NCAPD2: variants seen among roughly 807,000 people sequenced by gnomAD.
NCAPD2 encodes the protein non-SMC condensin I complex subunit D2, also known as condensin complex subunit 1.
Under a neutral mutation model 164.5 loss-of-function variants are expected in NCAPD2, and 100 were observed. The observed-to-expected ratio is 0.61, with a 90% CI of 0.52 to 0.72. NCAPD2 has a LOEUF of 0.72. Ranked by LOEUF, NCAPD2 falls within the 30% of genes least tolerant of loss-of-function variation. NCAPD2 has a pLI of 0.00. For missense variants in NCAPD2, 1,560 were observed against 1,749.2 expected (o/e 0.89, Z 1.93); for synonymous variants, 585 against 642.6 (o/e 0.91, Z 1.36).
chr12:6,517,153 A>G (rs1450182810), intron 10 of NCAPD2, 128 bp downstream of exon 10: 1 of 1,293,656 alleles, frequency 7.7e-7, no homozygotes, highest in Non-Finnish European at 1.1e-6. Context: ...TATCAGTAGT[A>G]AAAGTCTTCC....
rs1449149506 is a variant in NCAPD2, at chr12:6,520,969, G to C, written c.1590-17G>C. The C allele has an allele frequency of 6.2e-7, 1 of 1,613,598 alleles. No homozygotes were observed. Among genetic ancestry groups the C allele is most frequent in the Admixed American group, 1.7e-5 (1 of 60,012 alleles). On this transcript the variant is annotated splice_polypyrimidine_tract_variant and intron_variant, in intron 13 of 31. Coordinates refer to ENST00000315579, the MANE Select transcript of NCAPD2 (RefSeq NM_014865.4). ...AGTGACATTCTTCTGGGTACTGACA[G>C]GCTGGTGTTCTTTCAGAAAGGCCAT...
At chr12:6,524,515 G>C (rs1168957929) in intron 17 of NCAPD2, among the ~76,000 whole-genome samples, 6 of 151,936 alleles carry the variant, frequency 3.9e-5, no homozygotes, top group Admixed American at 3.9e-4. Context: ...CAGGTGTGGT[G>C]GTGGGCACCT....
intron 2 of NCAPD2, among the ~76,000 whole-genome samples, chr12:6,508,532 T>G (rs1946117424): frequency 6.6e-6 from 1 of 152,198 alleles, no homozygotes; most frequent in African/African-American, 2.4e-5. Context: ...AAGGGACAGC[T>G]AATCGTTACA....
At chr12:6,504,229 A>ATG (rs1402039366) in intron 2 of NCAPD2, among the ~76,000 whole-genome samples, 1 of 88,464 alleles carries the variant, frequency 1.1e-5, no homozygotes, top group Non-Finnish European at 2.4e-5. Flanking sequence ...ATATAGATAT[A>ATG]TATATATATA....
At chr12:6,513,735 T>C (rs12308613) in intron 6 of NCAPD2, among the ~76,000 whole-genome samples, 67,395 of 91,552 alleles carry the variant, frequency 0.74, 26,052 homozygotes, top group African/African-American at 0.89. Flanking sequence ...TTTTTTTTTG[T>C]GATGGAGTCT....
chr12:6,515,068 CAA>C, intron 9 of NCAPD2, 148 bp downstream of exon 9: 1 of 850,358 alleles, frequency 1.2e-6, no homozygotes, highest in East Asian at 2.6e-5. Context: ...AGAAGCAGGT[CAA>C]GTTTGTTGAA....
intron 6 of NCAPD2, among the ~76,000 whole-genome samples, chr12:6,513,236 G>A (rs961508497): frequency 6.6e-6 from 1 of 152,106 alleles, no homozygotes; most frequent in Admixed American, 6.6e-5. Context: ...GTACCCTAGG[G>A]CACTCCAGCA....
At position 6,523,299 on chromosome 12, in the gene NCAPD2, C is replaced by T. The variant is rs368048876; in HGVS notation, c.2167C>T (p.Leu723=). 58 of 1,613,976 alleles carry T rather than the reference C, an allele frequency of 3.6e-5. No individual in the cohort carries two copies. The highest frequency in any genetic ancestry group is 3.3e-4 in the Middle Eastern group (2 of 6,084). The change falls in exon 17 of 32, where the codon CTG becomes TTG. Residue 723 remains leucine, a synonymous_variant. Coordinates refer to ENST00000315579, the MANE Select transcript of NCAPD2 (RefSeq NM_014865.4). ...AQALIQNLSL[L]LVDASVGTIQ... ...GGCTTTGATTCAGAATCTCTCTCTG[C>T]TGCTAGTGGATGCCTCGGTTGGGAC...
intron 6 of NCAPD2, among the ~76,000 whole-genome samples, chr12:6,512,401 G>C (rs1004650193): frequency 6.6e-6 from 1 of 152,186 alleles, no homozygotes; most frequent in Non-Finnish European, 1.5e-5. Context: ...GTGACTGAGA[G>C]CTATGAGAAT....
intron 29 of NCAPD2, among the ~76,000 whole-genome samples, chr12:6,530,409 G>T (rs1946360188): frequency 6.6e-6 from 1 of 152,144 alleles, no homozygotes; most frequent in Non-Finnish European, 1.5e-5. Context: ...GTAATGACAT[G>T]TACCCACCAT....
At chr12:6,510,965 A>G (rs1946140982) in intron 5 of NCAPD2, 145 bp from the exon 6 acceptor site, 2 of 1,276,134 alleles carry the variant, frequency 1.6e-6, no homozygotes, top group Admixed American at 2.3e-5. Context: ...CTTCCTGGAC[A>G]AGTAGCGCTG....
chr12:6,512,590 G>GT (rs1161155460), intron 6 of NCAPD2, among the ~76,000 whole-genome samples: 1 of 152,224 alleles, frequency 6.6e-6, no homozygotes, highest in Non-Finnish European at 1.5e-5. Flanking sequence ...GCAGGTTCTT[G>GT]TGGGCCATCA....
intron 2 of NCAPD2, among the ~76,000 whole-genome samples, chr12:6,503,781 T>C (rs1450786945): frequency 6.7e-6 from 1 of 148,324 alleles, no homozygotes; most frequent in Non-Finnish European, 1.5e-5. Context: ...TTTTTTTTTT[T>C]TTTTTAAAAA....
rs1168959700 is a variant in NCAPD2, at chr12:6,520,974, G to A, written c.1590-12G>A. 6.2e-7 allele frequency: 1 copy of A among 1,613,690 alleles called. No homozygotes were observed. The highest frequency in any genetic ancestry group is 8.5e-7 in the Non-Finnish European group (1 of 1,179,858). The stretch of plus-strand genomic sequence containing the variant: ...CATTCTTCTGGGTACTGACAGGCTG[G>A]TGTTCTTTCAGAAAGGCCATCATTC... On this transcript the variant is annotated splice_polypyrimidine_tract_variant and intron_variant, in intron 13 of 31. Coordinates refer to ENST00000315579, the MANE Select transcript of NCAPD2 (RefSeq NM_014865.4).
intron 14 of NCAPD2, among the ~76,000 whole-genome samples, chr12:6,521,448 A>G (rs1049733299): frequency 2.6e-5 from 4 of 152,264 alleles, no homozygotes; most frequent in African/African-American, 9.6e-5. Flanking sequence ...TTGGGAGGCC[A>G]AGGCAGGAGG....
intron 2 of NCAPD2, among the ~76,000 whole-genome samples, chr12:6,504,719 A>G (rs1946082973): frequency 6.6e-6 from 1 of 152,068 alleles, no homozygotes; most frequent in South Asian, 2.1e-4. Context: ...TATGTTATGT[A>G]TATTATTTAC....
intron 17 of NCAPD2, 94 bp from the exon 18 acceptor site, chr12:6,525,489 C>A: frequency 7.0e-7 from 1 of 1,422,234 alleles, no homozygotes; most frequent in Non-Finnish European, 9.5e-7. Context: ...TTACTTTTGT[C>A]TACTTCAGGT....
chr12:6,511,339 T>G, intron 6 of NCAPD2, 87 bp downstream of exon 6: 1 of 1,487,246 alleles, frequency 6.7e-7, no homozygotes. Flanking sequence ...GTTTTGTTTT[T>G]TTTTTGTGGG....
intron 21 of NCAPD2, 38 bp downstream of exon 21, chr12:6,526,653 T>C: frequency 6.2e-7 from 1 of 1,600,002 alleles, no homozygotes. Flanking sequence ...GGCAGCCAGC[T>C]TCTGTTCTCC....
Sources: gnomAD v4.1 joint callset for allele counts (sites outside exome capture counted in the v4.1 genomes callset) on GRCh38, gnomAD v4.1.1 for gene constraint, MANE v1.5 for transcripts, NCBI Gene and HGNC (gene_info 2026-07-23, HGNC 2026-07-21) for gene names.